Variants in GLP1R observed in about 807,000 individuals in gnomAD.
The protein encoded by GLP1R is glucagon-like peptide 1 receptor.
GLP1R carries 32 observed loss-of-function variants against 68.4 expected under a neutral mutation model. The ratio of observed to expected loss-of-function variants is 0.47; its 90% CI spans 0.35 to 0.63. The LOEUF (loss-of-function observed/expected upper bound fraction) is 0.63. GLP1R is among the 20% of genes least tolerant of loss of function. The pLI, the probability that GLP1R is intolerant of heterozygous loss-of-function variation, is 0.00. For missense variants in GLP1R, 502 were observed against 594.9 expected (o/e 0.84, Z 1.62); for synonymous variants, 263 against 244.4 (o/e 1.08, Z -0.71).
At chr6:39,077,248 C>G (rs570572018) in intron 7 of GLP1R, among the ~76,000 whole-genome samples, 2 of 152,348 alleles carry the variant, frequency 1.3e-5, no homozygotes, top group East Asian at 1.9e-4. Flanking sequence ...TCCCCCACCC[C>G]CTGCTGTCCC....
intron 1 of GLP1R, among the ~76,000 whole-genome samples, chr6:39,055,924 GCA>G (rs1474918443): frequency 6.6e-6 from 1 of 152,146 alleles, no homozygotes; most frequent in Non-Finnish European, 1.5e-5. Flanking sequence ...GGGGGGCTGT[GCA>G]CCCTTGATTC....
chr6:39,075,875 G>A (rs754539546), intron 7 of GLP1R, among the ~76,000 whole-genome samples: 3 of 152,230 alleles, frequency 2.0e-5, no homozygotes, highest in Non-Finnish European at 4.4e-5. Context: ...CTGTGCAAGA[G>A]GGAGGCAAAT....
rs1322983978 is a variant in GLP1R, at chr6:39,067,743, C to T, written c.509+1440C>T. On this transcript the variant is annotated intron_variant, in intron 5 of 12. Transcript: ENST00000373256. ...CAATGGCTCCAAAGTCTTAATTCAT[C>T]CCAGCATTAACTTTAAAGTCTAAGT... Among the ~76,000 whole-genome samples, 3 of 152,162 alleles carry T rather than the reference C, an allele frequency of 2.0e-5. 1 individual carries two copies. Among genetic ancestry groups the T allele is most frequent in the Non-Finnish European group, 4.4e-5 (3 of 68,032 alleles).
chr6:39,080,216 TGCACACATGTGG>T (rs1304978735), intron 11 of GLP1R, among the ~76,000 whole-genome samples: 3 of 152,164 alleles, frequency 2.0e-5, no homozygotes, highest in African/African-American at 7.2e-5. Context: ...ATGAGATGCC[TGCACACATGTGG>T]GCTCATGTGT....
intron 1 of GLP1R, 44 bp downstream of exon 1, chr6:39,048,962 T>C (rs1271470337): frequency 3.3e-5 from 27 of 811,132 alleles, no homozygotes; most frequent in Non-Finnish European, 4.8e-5. Flanking sequence ...GGCGGGTGGC[T>C]CTGCGGGCTG....
intron 3 of GLP1R, among the ~76,000 whole-genome samples, chr6:39,060,704 G>A (rs886939869): frequency 2.6e-5 from 4 of 152,240 alleles, no homozygotes; most frequent in African/African-American, 4.8e-5. Flanking sequence ...CAGGGAAGCC[G>A]AGGGGTGCTG....
At position 39,057,499 on chromosome 6, in the gene GLP1R, A is replaced by C; in HGVS notation, c.203A>C (p.Glu68Ala). 6.2e-7 allele frequency: 1 copy of C among 1,613,430 alleles called. No homozygotes were observed. The highest frequency in any genetic ancestry group is 8.5e-7 in the Non-Finnish European group (1 of 1,179,444). Residue 68 changes from glutamate (E) to alanine (A), a missense_variant, in exon 3 of 13, where the codon GAA becomes GCA. Glu to Ala is a moderately radical substitution (Grantham distance 107). Transcript: ENST00000373256. ...TTGTTCTGCAACCGGACCTTCGATG[A>C]ATACGCCTGCTGGCCAGATGGGGAG... ...TDLFCNRTFD[E>A]YACWPDGEPG... is the part of the protein sequence containing the mutation.
At chr6:39,059,153 C>A (rs748202379) in intron 3 of GLP1R, among the ~76,000 whole-genome samples, 3 of 152,218 alleles carry the variant, frequency 2.0e-5, no homozygotes, top group Non-Finnish European at 2.9e-5. Flanking sequence ...GAGCCTGGGC[C>A]CATCAGTGGC....
chr6:39,067,406 C>T (rs1385297495), intron 5 of GLP1R, among the ~76,000 whole-genome samples: 1 of 152,184 alleles, frequency 6.6e-6, no homozygotes, highest in Admixed American at 6.5e-5. Flanking sequence ...CAGCAGATTC[C>T]ATGTCTAGTA....
chr6:39,063,450 G>T (rs953200316), intron 3 of GLP1R, among the ~76,000 whole-genome samples: 5 of 152,152 alleles, frequency 3.3e-5, no homozygotes, highest in Admixed American at 6.5e-5. Flanking sequence ...CGTTCGAAGG[G>T]TATTGGAACA....
At chr6:39,074,745 C>G (rs1186942913) in intron 7 of GLP1R, among the ~76,000 whole-genome samples, 1 of 152,174 alleles carries the variant, frequency 6.6e-6, no homozygotes, top group Non-Finnish European at 1.5e-5. Context: ...TGAGCCTTTG[C>G]AAGGCTGTTC....
chr6:39,060,291 G>C (rs1333454614), intron 3 of GLP1R, among the ~76,000 whole-genome samples: 1 of 152,204 alleles, frequency 6.6e-6, no homozygotes, highest in African/African-American at 2.4e-5. Flanking sequence ...GTGTGCCCTG[G>C]TGTCAAGGAG....
In GLP1R at chr6:39,079,282, G is replaced by C. The variant is rs978685338; in HGVS notation, c.1043+82G>C. ...AGCAGAGAGAGAGAGAGAGATCCTG[G>C]GATGCTTAGCTTAGAGCCCTACACT... On this transcript the variant is annotated intron_variant, in intron 10 of 12. Coordinates refer to ENST00000373256, the MANE Select transcript of GLP1R (RefSeq NM_002062.5). This position sits in a 1 kb window ranked among gnomAD's most constrained non-coding sequence, Gnocchi z 4.5. 6 of 1,067,276 alleles carry C rather than the reference G, an allele frequency of 5.6e-6. No individual in the cohort carries two copies. The highest frequency in any genetic ancestry group is 2.1e-4 in the Middle Eastern group (1 of 4,700). The allele number at this position is 1,067,276 out of a possible 1,614,324, so 66.1% of individuals were successfully genotyped here. A position where few individuals can be genotyped will look rare whatever the true frequency, so the allele number is the denominator to read the frequency against.
chr6:39,084,873 G>A (rs1459410073), intron 12 of GLP1R, among the ~76,000 whole-genome samples: 2 of 152,190 alleles, frequency 1.3e-5, no homozygotes, highest in African/African-American at 4.8e-5. Flanking sequence ...ACAGGGGCTG[G>A]TGGGGAGATT....
intron 7 of GLP1R, among the ~76,000 whole-genome samples, chr6:39,075,256 T>C (rs1768782374): frequency 6.6e-6 from 1 of 152,146 alleles, no homozygotes; most frequent in South Asian, 2.1e-4. Flanking sequence ...TTCCTTGGCC[T>C]TTTCTCCCCG....
chr6:39,079,609 T>C lies in GLP1R; in HGVS notation c.1089T>C (p.His363=). Residue 363 remains histidine (H), a synonymous_variant, in exon 11 of 13, where the codon CAT becomes CAC. Coordinates refer to ENST00000373256, the MANE Select transcript of GLP1R (RefSeq NM_002062.5). This position sits in a 1 kb window ranked among gnomAD's most constrained non-coding sequence, Gnocchi z 4.5. ...CACTCATCCCCCTGCTGGGGACTCA[T>C]GAGGTCATCTTTGCCTTTGTGATGG... ...TLTLIPLLGT[H]EVIFAFVMDE... is the part of the protein sequence containing the mutation. 1 of 1,610,406 alleles carries C rather than the reference T, an allele frequency of 6.2e-7. No homozygotes were observed. The highest frequency in any genetic ancestry group is 1.7e-4 in the Middle Eastern group (1 of 6,032).
chr6:39,077,108 T>C (rs375661783), intron 7 of GLP1R, among the ~76,000 whole-genome samples: 75 of 152,356 alleles, frequency 4.9e-4, no homozygotes, highest in Middle Eastern at 6.8e-3. Flanking sequence ...TCACAGTTCC[T>C]GTGGCCTGCA....
chr6:39,067,904 G>A (rs1376030747), intron 5 of GLP1R, among the ~76,000 whole-genome samples: 1 of 152,148 alleles, frequency 6.6e-6, no homozygotes, highest in African/African-American at 2.4e-5. Context: ...GAAATGTTGT[G>A]GCAGGCATTC....
Position 39,086,502 on chromosome 6 carries a change from C to T in GLP1R, c.*429C>T, listed in dbSNP as rs1769151657. 1 of 160,076 alleles carries T rather than the reference C, an allele frequency of 6.2e-6. No individual in the cohort carries two copies. Among genetic ancestry groups the T allele is most frequent in the Admixed American group, 6.3e-5 (1 of 15,978 alleles). The allele number at this position is 160,076 out of a possible 1,614,324, so 9.9% of individuals were successfully genotyped here. A position where few individuals can be genotyped will look rare whatever the true frequency, so the allele number is the denominator to read the frequency against. ...TGGTTCTGAAAGTGGCTCTTCTAAC[C>T]TCAGCCAAACACAGAGCGGGAGTGA... On this transcript the variant is annotated 3_prime_UTR_variant, in exon 13 of 13. Transcript: ENST00000373256. This position sits in a 1 kb window ranked among gnomAD's most constrained non-coding sequence, Gnocchi z 4.5.
Sources: allele counts gnomAD v4.1 joint callset (sites outside exome capture counted in the v4.1 genomes callset), GRCh38; gene constraint gnomAD v4.1.1; non-coding constraint Gnocchi (gnomAD v3.1); transcripts MANE v1.5; gene names NCBI Gene and HGNC (gene_info 2026-07-23, HGNC 2026-07-21).